The following GRIN2B variants were observed in gnomAD, a reference collection of about 807,000 sequenced individuals.
The protein encoded by GRIN2B is glutamate receptor ionotropic, NMDA 2B.
In GRIN2B, 5 loss-of-function variants were observed where a neutral mutation model predicts 114.5. The observed-to-expected ratio is 0.04, with a 90% CI of 0.02 to 0.09. The LOEUF (loss-of-function observed/expected upper bound fraction) is 0.09. GRIN2B is among the 10% of genes least tolerant of loss of function. The probability of loss-of-function intolerance (pLI) is 1.00; values close to 1 mark genes in which losing one functional copy is unlikely to be tolerated. For missense variants in GRIN2B, 1,108 were observed against 1,943.5 expected (o/e 0.57, Z 8.08); for synonymous variants, 787 against 745.1 (o/e 1.06, Z -0.92).
At chr12:13,951,376 C>T (rs1867475961) in intron 2 of GRIN2B, among the ~76,000 whole-genome samples, 1 of 152,072 alleles carries the variant, frequency 6.6e-6, no homozygotes, top group African/African-American at 2.4e-5. Context: ...AGCATTCATT[C>T]CAGGGAAGGA....
chr12:13,717,746 G>T (rs1950469724), intron 4 of GRIN2B, among the ~76,000 whole-genome samples: 1 of 151,978 alleles, frequency 6.6e-6, no homozygotes, highest in Non-Finnish European at 1.5e-5. Flanking sequence ...AAAGTAAAAA[G>T]ATACAAAATA....
At chr12:13,769,073 G>C (rs1350704305) in intron 3 of GRIN2B, among the ~76,000 whole-genome samples, 1 of 152,032 alleles carries the variant, frequency 6.6e-6, no homozygotes, top group Non-Finnish European at 1.5e-5. Flanking sequence ...CAGGTATAAA[G>C]GCTACCGCTA....
rs149089581 is a variant in GRIN2B at position 13,563,611 on chromosome 12, C to T, written c.3627G>A (p.Arg1209=). ...KNLTNVEWED[R]SGGNFCRSCP... Reference sequence around the variant, plus strand: ...AGCTGCGGCAGAAGTTGCCCCCGGACCGGTCCTCCCACTCCACGTTGGTCA... The same window carrying T: ...AGCTGCGGCAGAAGTTGCCCCCGGATCGGTCCTCCCACTCCACGTTGGTCA... The change falls in exon 14 of 14, where the codon CGG becomes CGA. Residue 1209 remains arginine, a synonymous_variant. Transcript: ENST00000609686. 1 of 1,614,030 alleles carries T rather than the reference C, an allele frequency of 6.2e-7. No homozygotes were observed.
chr12:13,664,628 G>T (rs115288175), intron 5 of GRIN2B, among the ~76,000 whole-genome samples: 3,737 of 152,188 alleles, frequency 0.025, 132 homozygotes, highest in African/African-American at 0.077. Context: ...CAGCAATGAT[G>T]AATTTGAAGA....
At chr12:13,605,520 G>GTCTCTCTCTC (rs3081918) in intron 10 of GRIN2B, among the ~76,000 whole-genome samples, 2,745 of 114,952 alleles carry the variant, frequency 0.024, 120 homozygotes, top group African/African-American at 0.067. Flanking sequence ...GGTCTTGAAA[G>GTCTCTCTCTC]TCTCTCTCTC....
chr12:13,678,204 T>C (rs1003873376), intron 4 of GRIN2B, among the ~76,000 whole-genome samples: 2 of 152,174 alleles, frequency 1.3e-5, no homozygotes, highest in Admixed American at 1.3e-4. Flanking sequence ...TAGGTGAACA[T>C]TGCTAAGTGA....
intron 4 of GRIN2B, among the ~76,000 whole-genome samples, chr12:13,730,588 C>G (rs1863072021): frequency 6.6e-6 from 1 of 152,094 alleles, no homozygotes; most frequent in Non-Finnish European, 1.5e-5. Flanking sequence ...CCCCTGGCAT[C>G]TAATCATGTG....
intron 3 of GRIN2B, among the ~76,000 whole-genome samples, chr12:13,859,418 A>G (rs940340147): frequency 2.6e-5 from 4 of 152,234 alleles, no homozygotes; most frequent in Non-Finnish European, 4.4e-5. Flanking sequence ...ATTTTTAAAG[A>G]CAGGATGTGC....
Position 13,935,057 on chromosome 12 carries a change from C to G in GRIN2B, c.-19+44871G>C, listed in dbSNP as rs562027861. Among the ~76,000 whole-genome samples, 59 of 152,186 alleles carry G rather than the reference C, an allele frequency of 3.9e-4. 1 individual carries two copies. In the South Asian group the frequency reaches 0.011, roughly 28 times the overall value. On this transcript the variant is annotated intron_variant, in intron 2 of 13. Coordinates refer to ENST00000609686, the MANE Select transcript of GRIN2B (RefSeq NM_000834.5). ...ACCCAAGTTTTCTGAGAATAGATAG[C>G]CAGGAACTCCTGGGACTGTAAGATA...
At position 13,807,709 on chromosome 12, in the gene GRIN2B, C is replaced by CTTTTT. The variant is rs71067726; in HGVS notation, c.412-53799_412-53795dup. Among the ~76,000 whole-genome samples, 12 of 77,388 alleles carry CTTTTT rather than the reference C, an allele frequency of 1.6e-4. 1 individual carries two copies. The highest frequency in any genetic ancestry group is 4.7e-4 in the East Asian group (1 of 2,126). 50.8% of individuals were successfully genotyped at this position (77,388 alleles called of 152,430 possible). On this transcript the variant is annotated intron_variant, in intron 3 of 13. Coordinates refer to ENST00000609686, the MANE Select transcript of GRIN2B (RefSeq NM_000834.5). ...AAGCAGACGTTTATTAAGCAGAAGG[C>CTTTTT]TTTTTTTTTTTTTTTTTTTTTTTTT... is the stretch of plus-strand genomic sequence containing the variant.
At chr12:13,962,153 C>T (rs1256502355) in intron 2 of GRIN2B, among the ~76,000 whole-genome samples, 5 of 146,714 alleles carry the variant, frequency 3.4e-5, no homozygotes, top group Admixed American at 2.0e-4. Flanking sequence ...ACACAGTGAG[C>T]GGCAGGGAGC....
chr12:13,780,834 C>CAAAAA, intron 3 of GRIN2B, among the ~76,000 whole-genome samples: 1 of 84,702 alleles, frequency 1.2e-5, no homozygotes, highest in Non-Finnish European at 2.7e-5. Context: ...CAGGTTTTGC[C>CAAAAA]AAAAAAAAAA....
At chr12:13,674,790 T>C (rs1565496187) in intron 5 of GRIN2B, among the ~76,000 whole-genome samples, 1 of 152,148 alleles carries the variant, frequency 6.6e-6, no homozygotes, top group Non-Finnish European at 1.5e-5. Flanking sequence ...AGAATAATTT[T>C]AGGAAATTCC....
chr12:13,848,269 G>A (rs894365682), intron 3 of GRIN2B, among the ~76,000 whole-genome samples: 2 of 152,130 alleles, frequency 1.3e-5, no homozygotes. Flanking sequence ...CCCTAGGGAG[G>A]GAAACCCGTT....
rs1214519377 is a variant in GRIN2B at position 13,553,952 on chromosome 12, G to A, written c.*8831C>T. ...AGGACAAAGCACTTAGAAAAATCCA[G>A]ATTCCATTTGAAATAATGAACTGTA... On this transcript the variant is annotated 3_prime_UTR_variant, in exon 14 of 14. Transcript: ENST00000609686. 6.6e-6 allele frequency: 1 copy of A among 152,114 alleles called. No homozygotes were observed. The highest frequency in any genetic ancestry group is 1.5e-5 in the Non-Finnish European group (1 of 68,012). 9.4% of individuals were successfully genotyped at this position (152,114 alleles called of 1,614,324 possible).
At chr12:13,940,824 A>C (rs983400959) in intron 2 of GRIN2B, among the ~76,000 whole-genome samples, 5 of 152,008 alleles carry the variant, frequency 3.3e-5, no homozygotes, top group Non-Finnish European at 7.4e-5. Context: ...TCTCTGTATT[A>C]TCTCTCTCCC....
At chr12:13,705,192 C>T (rs967907728) in intron 4 of GRIN2B, among the ~76,000 whole-genome samples, 6 of 152,156 alleles carry the variant, frequency 3.9e-5, no homozygotes, top group Non-Finnish European at 5.9e-5. Context: ...CCCCTGCTCT[C>T]TTGCCTTAGC....
intron 2 of GRIN2B, among the ~76,000 whole-genome samples, chr12:13,895,479 C>A (rs547046951): frequency 6.6e-6 from 1 of 152,184 alleles, no homozygotes; most frequent in South Asian, 2.1e-4. Flanking sequence ...ACTAATATCT[C>A]AATTAGCAGA....
chr12:13,607,366 AT>A (rs1949284713), intron 10 of GRIN2B, among the ~76,000 whole-genome samples: 2 of 44,824 alleles, frequency 4.5e-5, no homozygotes, highest in Admixed American at 8.6e-4. Flanking sequence ...TATAATATAT[AT>A]TATATATTAT....
Sources: gnomAD v4.1 joint callset for allele counts (sites outside exome capture counted in the v4.1 genomes callset) on GRCh38, gnomAD v4.1.1 for gene constraint, MANE v1.5 for transcripts, NCBI Gene and HGNC (gene_info 2026-07-23, HGNC 2026-07-21) for gene names.